Variants in FRMD4A observed in about 807,000 individuals in gnomAD.
The protein encoded by FRMD4A is FERM domain-containing protein 4A.
FRMD4A carries 29 observed loss-of-function variants against 129.1 expected under a neutral mutation model. The ratio of observed to expected loss-of-function variants is 0.22; its 90% CI spans 0.17 to 0.31. The LOEUF (loss-of-function observed/expected upper bound fraction) is 0.31. FRMD4A is among the 10% of genes least tolerant of loss of function. The pLI, the probability that FRMD4A is intolerant of heterozygous loss-of-function variation, is 1.00. For missense variants in FRMD4A, 1,272 were observed against 1,375.8 expected, an observed-to-expected ratio of 0.92 and a Z score of 1.19; for synonymous variants, 634 against 571.6, an observed-to-expected ratio of 1.11 and a Z score of -1.56.
chr10:14,224,360 C>A (rs1003756829), intron 2 of FRMD4A, among the ~76,000 whole-genome samples: 1 of 152,170 alleles, frequency 6.6e-6, no homozygotes, highest in Admixed American at 6.5e-5. Context: ...ACACTTGCCA[C>A]AGTGACCTGC....
intron 2 of FRMD4A, among the ~76,000 whole-genome samples, chr10:14,125,455 T>C (rs1277945125): frequency 2.0e-5 from 3 of 152,094 alleles, no homozygotes; most frequent in African/African-American, 7.2e-5. Context: ...CCAAGCAGAC[T>C]GAGACTTGCA....
chr10:13,673,769 C>CTTTT lies in FRMD4A; in HGVS notation c.1251+1138_1251+1141dup, dbSNP rs1156236426. 1.0e-3 allele frequency among the ~76,000 whole-genome samples: 96 copies of CTTTT among 94,268 alleles called. 1 individual carries two copies. The highest frequency in any genetic ancestry group is 2.6e-3 in the African/African-American group (56 of 21,512). The allele number at this position is 94,268 out of a possible 152,430, so 61.8% of individuals were successfully genotyped here. On this transcript the variant is annotated intron_variant, in intron 16 of 24. Transcript: ENST00000357447. Reference sequence around the variant, plus strand: ...CATACATAGGGTCGAGAAAGCATTGCTTTTTTTTTTTTTTTTTTTTTTTTG... The same window carrying CTTTT: ...CATACATAGGGTCGAGAAAGCATTGCTTTTTTTTTTTTTTTTTTTTTTTTTTTTG...
At chr10:13,988,220 C>T (rs1018636022) in intron 2 of FRMD4A, among the ~76,000 whole-genome samples, 1 of 152,180 alleles carries the variant, frequency 6.6e-6, no homozygotes, top group African/African-American at 2.4e-5. Flanking sequence ...CCCATTTGGT[C>T]ATGTAGGAGT....
intron 2 of FRMD4A, among the ~76,000 whole-genome samples, chr10:14,010,366 C>A (rs1232557918): frequency 3.3e-5 from 5 of 152,184 alleles, no homozygotes; most frequent in Admixed American, 6.5e-5. Context: ...GGTTAAAATA[C>A]ATATAGAAGA....
At chr10:13,806,343 C>A (rs1421660656) in intron 4 of FRMD4A, among the ~76,000 whole-genome samples, 7 of 150,414 alleles carry the variant, frequency 4.7e-5, no homozygotes, top group East Asian at 1.9e-4. Flanking sequence ...AGAAATATTT[C>A]AAAAAAAAAT....
At chr10:13,766,657 T>C (rs1442626224) in intron 6 of FRMD4A, among the ~76,000 whole-genome samples, 1 of 152,192 alleles carries the variant, frequency 6.6e-6, no homozygotes, top group African/African-American at 2.4e-5. Context: ...TGTCACTTGT[T>C]CATGATACTG....
chr10:14,131,402 C>CCTCG (rs1554767052), intron 2 of FRMD4A, among the ~76,000 whole-genome samples: 1 of 151,752 alleles, frequency 6.6e-6, no homozygotes, highest in Non-Finnish European at 1.5e-5. Flanking sequence ...CTGTGCCCCC[C>CCTCG]CCGGCCGCCC....
chr10:13,869,291 TG>T (rs1203360731), intron 2 of FRMD4A, among the ~76,000 whole-genome samples: 3 of 152,188 alleles, frequency 2.0e-5, no homozygotes, highest in Admixed American at 2.0e-4. Context: ...GGTAAGAGGC[TG>T]GTACAACAGG....
intron 3 of FRMD4A, among the ~76,000 whole-genome samples, chr10:13,834,555 C>G (rs1399186966): frequency 6.6e-6 from 1 of 152,114 alleles, no homozygotes; most frequent in African/African-American, 2.4e-5. Context: ...TCAAAGGATA[C>G]CAGAATTTGA....
At chr10:13,709,417 C>A (rs548946964) in intron 12 of FRMD4A, among the ~76,000 whole-genome samples, 1 of 152,290 alleles carries the variant, frequency 6.6e-6, no homozygotes, top group African/African-American at 2.4e-5. Flanking sequence ...TTAGATCTTA[C>A]TATGAATCCC....
At chr10:13,913,075 A>T (rs1035273225) in intron 2 of FRMD4A, among the ~76,000 whole-genome samples, 2 of 146,558 alleles carry the variant, frequency 1.4e-5, no homozygotes, top group African/African-American at 4.9e-5. Context: ...CTCCATTTAA[A>T]AAAAAAAAAA....
At chr10:14,130,310 G>T (rs1490500318) in intron 2 of FRMD4A, among the ~76,000 whole-genome samples, 1 of 152,026 alleles carries the variant, frequency 6.6e-6, no homozygotes, top group South Asian at 2.1e-4. Flanking sequence ...GCCCAGGCTG[G>T]AGTGCAGTGG....
intron 2 of FRMD4A, among the ~76,000 whole-genome samples, chr10:14,215,051 A>G (rs1843033823): frequency 6.6e-6 from 1 of 152,224 alleles, no homozygotes; most frequent in Non-Finnish European, 1.5e-5. Context: ...AAGATAAAAC[A>G]TATACAGTTT....
intron 15 of FRMD4A, 103 bp downstream of exon 15, chr10:13,693,795 T>G: frequency 8.2e-7 from 1 of 1,225,712 alleles, no homozygotes; most frequent in Non-Finnish European, 1.2e-6. Flanking sequence ...TTGGAGCAGC[T>G]TGCCCTGCAG....
At chr10:13,712,773 T>C (rs1265962154) in intron 12 of FRMD4A, among the ~76,000 whole-genome samples, 1 of 152,200 alleles carries the variant, frequency 6.6e-6, no homozygotes, top group Non-Finnish European at 1.5e-5. Flanking sequence ...GGGAAACACT[T>C]ATCCACGGAG....
At chr10:14,053,390 G>A (rs541140208) in intron 2 of FRMD4A, among the ~76,000 whole-genome samples, 1 of 152,210 alleles carries the variant, frequency 6.6e-6, no homozygotes, top group African/African-American at 2.4e-5. Flanking sequence ...GGGTGTGCAG[G>A]GGGCACCTTG....
At chr10:13,650,185 G>C (rs1041228906) in intron 24 of FRMD4A, among the ~76,000 whole-genome samples, 23 of 152,234 alleles carry the variant, frequency 1.5e-4, no homozygotes, top group Non-Finnish European at 2.9e-4. Context: ...AGGTGGGGCT[G>C]CTGGGAGGGA....
intron 2 of FRMD4A, among the ~76,000 whole-genome samples, chr10:13,867,844 T>C (rs1380506435): frequency 7.3e-6 from 1 of 137,704 alleles, no homozygotes; most frequent in African/African-American, 2.7e-5. Flanking sequence ...TAATAAATAA[T>C]ACATAATATA....
In FRMD4A at chr10:13,762,383, G is replaced by C. The variant is rs1023846183; in HGVS notation, c.441+241C>G. ...TGATCTCAGTTTCTCCCAGGCTCAG[G>C]TTAAACACACAACTTCGCTTTACAG... is the stretch of plus-strand genomic sequence containing the variant. On this transcript the variant is annotated intron_variant, in intron 7 of 24. Transcript: ENST00000357447. Among the ~76,000 whole-genome samples, 4 of 152,198 alleles carry C rather than the reference G, an allele frequency of 2.6e-5. No individual in the cohort carries two copies. The South Asian group carries it at 8.3e-4, about 32-fold the overall frequency.
Sources: gnomAD v4.1 joint callset for allele counts (sites outside exome capture counted in the v4.1 genomes callset) on GRCh38, gnomAD v4.1.1 for gene constraint, MANE v1.5 for transcripts, NCBI Gene and HGNC (gene_info 2026-07-23, HGNC 2026-07-21) for gene names.